ZCCHC7: variants seen among roughly 807,000 people sequenced by gnomAD.
ZCCHC7 encodes zinc finger CCHC-type containing 7.
In ZCCHC7, 35 loss-of-function variants were observed where a neutral mutation model predicts 52.0. The observed-to-expected ratio is 0.67, with a 90% CI of 0.51 to 0.89. ZCCHC7 has a LOEUF of 0.89. Ranked by LOEUF, ZCCHC7 falls within the 40% of genes least tolerant of loss-of-function variation. The pLI is 0.00. For missense variants in ZCCHC7, 574 were observed against 649.1 expected, an observed-to-expected ratio of 0.88 and a Z score of 1.26; for synonymous variants, 217 against 221.5, an observed-to-expected ratio of 0.98 and a Z score of 0.18.
At chr9:37,120,414 G>T, upstream of ZCCHC7, 1 of 392,730 alleles carries the variant, frequency 2.5e-6, no homozygotes, top group Non-Finnish European at 4.5e-6. Flanking sequence ...GCGGGGCAGA[G>T]AACGGTTCGC....
At chr9:37,191,737 G>A (rs1823031658) in intron 2 of ZCCHC7, among the ~76,000 whole-genome samples, 1 of 152,176 alleles carries the variant, frequency 6.6e-6, no homozygotes, top group Non-Finnish European at 1.5e-5. Flanking sequence ...ATCAAAACTG[G>A]GTAGGAATTT....
intron 2 of ZCCHC7, among the ~76,000 whole-genome samples, chr9:37,272,828 G>T (rs546008364): frequency 6.6e-6 from 1 of 152,250 alleles, no homozygotes; most frequent in Non-Finnish European, 1.5e-5. Context: ...CCTTTATACT[G>T]ATATGTGTAG....
intron 2 of ZCCHC7, among the ~76,000 whole-genome samples, chr9:37,262,685 T>A (rs1027257730): frequency 6.6e-6 from 1 of 152,242 alleles, no homozygotes. Flanking sequence ...GATGTTTTAA[T>A]CATCTTTGAT....
chr9:37,329,810 A>T (rs1391046502), intron 6 of ZCCHC7, among the ~76,000 whole-genome samples: 1 of 151,884 alleles, frequency 6.6e-6, no homozygotes, highest in African/African-American at 2.4e-5. Context: ...TCACACATGA[A>T]TGTTGAGTCA....
chr9:37,140,494 T>C (rs1410252622), intron 2 of ZCCHC7, among the ~76,000 whole-genome samples: 1 of 152,008 alleles, frequency 6.6e-6, no homozygotes, highest in African/African-American at 2.4e-5. Context: ...TTCAAAATAT[T>C]CAATTTAAAA....
At chr9:37,296,881 TTGTGTGTGTGTGTGTGTGTG>T (rs56378965) in intron 2 of ZCCHC7, among the ~76,000 whole-genome samples, 6 of 124,204 alleles carry the variant, frequency 4.8e-5, no homozygotes, top group Non-Finnish European at 6.7e-5. Context: ...CCTGGCTAGT[TTGTGTGTGTGTGTGTGTGTG>T]TGTGTGTGTG....
At chr9:37,181,231 T>C (rs1822336411) in intron 2 of ZCCHC7, among the ~76,000 whole-genome samples, 1 of 152,198 alleles carries the variant, frequency 6.6e-6, no homozygotes, top group Non-Finnish European at 1.5e-5. Flanking sequence ...GATGAGATTT[T>C]TTTTTCAGTT....
chr9:37,139,816 C>A (rs1843146661), intron 2 of ZCCHC7, among the ~76,000 whole-genome samples: 1 of 151,880 alleles, frequency 6.6e-6, no homozygotes, highest in African/African-American at 2.4e-5. Context: ...TTTTTATTGG[C>A]AGTTCCCTTA....
chr9:37,216,355 T>C (rs1028494421), intron 2 of ZCCHC7, among the ~76,000 whole-genome samples: 9 of 152,182 alleles, frequency 5.9e-5, no homozygotes, highest in Admixed American at 5.9e-4. Context: ...TTTCCAATTT[T>C]ATTTGCTCTA....
At chr9:37,343,091 C>G (rs956615415) in intron 6 of ZCCHC7, among the ~76,000 whole-genome samples, 8 of 152,198 alleles carry the variant, frequency 5.3e-5, no homozygotes, top group African/African-American at 1.7e-4. Context: ...TCTCTGTGAA[C>G]ACGAGAATCT....
chr9:37,254,398 C>T (rs1826473089), intron 2 of ZCCHC7, among the ~76,000 whole-genome samples: 1 of 151,644 alleles, frequency 6.6e-6, no homozygotes. Context: ...TGCTGTTAAC[C>T]CTTTATATTG....
At chr9:37,289,274 C>T (rs985872679) in intron 2 of ZCCHC7, among the ~76,000 whole-genome samples, 2 of 151,926 alleles carry the variant, frequency 1.3e-5, no homozygotes, top group Non-Finnish European at 2.9e-5. Context: ...ATCAGCCTCC[C>T]AAGTAGCTGG....
intron 2 of ZCCHC7, among the ~76,000 whole-genome samples, chr9:37,147,810 G>GA (rs1843499734): frequency 6.6e-6 from 1 of 151,950 alleles, no homozygotes; most frequent in African/African-American, 2.4e-5. Flanking sequence ...GCTTTTGAAT[G>GA]AAAAATACTT....
chr9:37,270,417 G>A (rs1460391748), intron 2 of ZCCHC7, among the ~76,000 whole-genome samples: 4 of 151,862 alleles, frequency 2.6e-5, no homozygotes, highest in African/African-American at 4.8e-5. Context: ...GAGGCTGGGC[G>A]CGGTGGCTCA....
At chr9:37,329,560 A>T (rs1830374546) in intron 6 of ZCCHC7, among the ~76,000 whole-genome samples, 1 of 151,880 alleles carries the variant, frequency 6.6e-6, no homozygotes, top group Non-Finnish European at 1.5e-5. Context: ...GAAATTAATA[A>T]TGAGTTTACT....
intron 4 of ZCCHC7, among the ~76,000 whole-genome samples, chr9:37,305,328 G>A (rs912051104): frequency 7.9e-5 from 12 of 152,136 alleles, no homozygotes; most frequent in African/African-American, 1.4e-4. Flanking sequence ...AGGAATATAT[G>A]CCAGCTGCTA....
intron 6 of ZCCHC7, among the ~76,000 whole-genome samples, chr9:37,349,119 A>G (rs923568219): frequency 7.9e-5 from 12 of 152,320 alleles, no homozygotes; most frequent in Admixed American, 5.9e-4. Context: ...TACTTGGCAC[A>G]ATGCCAAATT....
chr9:37,239,581 G>A (rs948051246), intron 2 of ZCCHC7, among the ~76,000 whole-genome samples: 10 of 152,156 alleles, frequency 6.6e-5, no homozygotes, highest in African/African-American at 2.4e-4. Flanking sequence ...ATCTCAGCTC[G>A]GTCTATGAAA....
intron 2 of ZCCHC7, among the ~76,000 whole-genome samples, chr9:37,179,509 A>G (rs1464752367): frequency 2.0e-5 from 3 of 152,224 alleles, no homozygotes; most frequent in African/African-American, 4.8e-5. Flanking sequence ...TCTGCTGCAA[A>G]TAAATTTCAG....
Sources: allele counts gnomAD v4.1 joint callset (sites outside exome capture counted in the v4.1 genomes callset), GRCh38; gene constraint gnomAD v4.1.1; transcripts MANE v1.5; gene names NCBI Gene and HGNC (gene_info 2026-07-23, HGNC 2026-07-21).